Variants in ZNF112 observed in about 807,000 individuals in gnomAD.
The protein encoded by ZNF112 is zinc finger protein 112.
A neutral mutation model predicts 77.7 loss-of-function variants in ZNF112; 37 were observed. The observed-to-expected ratio is 0.48, with a 90% CI of 0.37 to 0.63. The LOEUF is 0.63. Ranked by LOEUF, ZNF112 falls within the 20% of genes least tolerant of loss-of-function variation. The pLI is 0.00. For synonymous variants in ZNF112, 333 were observed against 363.6 expected (o/e 0.92, Z 0.96); for missense variants, 950 against 1,077.4 (o/e 0.88, Z 1.66).
intron 1 of ZNF112, among the ~76,000 whole-genome samples, chr19:44,345,287 C>T (rs180691968): frequency 2.6e-5 from 4 of 152,310 alleles, no homozygotes; most frequent in Non-Finnish European, 5.9e-5. Flanking sequence ...GGCCATTTGG[C>T]CTCTCAAGAA....
At chr19:44,364,675 C>G (rs1374153819) in intron 1 of ZNF112, among the ~76,000 whole-genome samples, 1 of 151,964 alleles carries the variant, frequency 6.6e-6, no homozygotes, top group Non-Finnish European at 1.5e-5. Flanking sequence ...AAAAATAACA[C>G]AAATAAAAAA....
upstream of ZNF112, among the ~76,000 whole-genome samples, chr19:44,357,817 T>C (rs1970809719): frequency 6.6e-6 from 1 of 152,114 alleles, no homozygotes; most frequent in African/African-American, 2.4e-5. Flanking sequence ...TAGCAAATAT[T>C]GTAAGTTGTC....
Position 44,329,851 on chromosome 19 carries a change from G to C in ZNF112, c.306C>G (p.Thr102=), listed in dbSNP as rs1970237200. The change falls in exon 4 of 4, where the codon ACC becomes ACG. Residue 102 remains threonine, a synonymous_variant. Transcript: ENST00000354340. ...TTAACCCACCTGCACTTTGTTGCCA[G>C]GTCTGACGGGAGGAAAGCTCTTTGG... ...FSPKELSSRQ[T]WQQSAGGLIR... 6.2e-7 allele frequency: 1 copy of C among 1,613,856 alleles called. No homozygotes were observed. Among genetic ancestry groups the C allele is most frequent in the African/African-American group, 1.3e-5 (1 of 74,908 alleles).
chr19:44,360,928 C>A (rs557089347), upstream of ZNF112, among the ~76,000 whole-genome samples: 16 of 152,262 alleles, frequency 1.1e-4, no homozygotes, highest in East Asian at 2.7e-3. Flanking sequence ...TCATTCATCA[C>A]AATGACATGC....
Position 44,328,113 on chromosome 19 carries a change from T to G in ZNF112, c.2044A>C (p.Thr682Pro), listed in dbSNP as rs1166614963. Reference sequence around the variant, plus strand: ...TCACATTGGTATGGCTTCTCTCCCGTGTGGACCCTCTGATGGGCCAAAAGT... The same window carrying G: ...TCACATTGGTATGGCTTCTCTCCCGGGTGGACCCTCTGATGGGCCAAAAGT... ...STLLAHQRVH[T>P]GEKPYQCDEC... The change falls in exon 4 of 4, where the codon ACG (threonine) becomes CCG (proline). Residue 682 changes from threonine to proline, a missense_variant. Thr to Pro is a conservative substitution (Grantham distance 38, BLOSUM62 -1). This residue lies in a region of ZNF112 where 373 missense variants were observed against 482.8 expected (regional missense o/e 0.77). Coordinates refer to ENST00000354340, the MANE Select transcript of ZNF112 (RefSeq NM_013380.4). The G allele has an allele frequency of 1.9e-6, 3 of 1,613,928 alleles. No individual in the cohort carries two copies. The highest frequency in any genetic ancestry group is 3.3e-5 in the Admixed American group (2 of 59,952).
intron 1 of ZNF112, among the ~76,000 whole-genome samples, chr19:44,352,368 C>T (rs1970709024): frequency 6.6e-6 from 1 of 152,060 alleles, no homozygotes; most frequent in Non-Finnish European, 1.5e-5. Flanking sequence ...AATACAACAT[C>T]CACTCATGAC....
chr19:44,330,461 C>G (rs1599911756), intron 3 of ZNF112, among the ~76,000 whole-genome samples: 1 of 152,172 alleles, frequency 6.6e-6, no homozygotes, highest in African/African-American at 2.4e-5. Flanking sequence ...CATGGCTGGG[C>G]ATGGTGGCTC....
At chr19:44,344,232 CCT>C (rs1347960978) in intron 1 of ZNF112, among the ~76,000 whole-genome samples, 1 of 152,138 alleles carries the variant, frequency 6.6e-6, no homozygotes, top group Non-Finnish European at 1.5e-5. Flanking sequence ...TGCGTGTGCT[CCT>C]CTGTGAAAAG....
chr19:44,340,285 C>T (rs367840788), intron 2 of ZNF112, 131 bp downstream of exon 2: 71 of 1,243,620 alleles, frequency 5.7e-5, no homozygotes, highest in Middle Eastern at 5.8e-4. Flanking sequence ...CTGTGTTGCA[C>T]GGGGATTATT....
At chr19:44,357,631 C>T (rs1970806755), upstream of ZNF112, among the ~76,000 whole-genome samples, 2 of 152,154 alleles carry the variant, frequency 1.3e-5, no homozygotes, top group Admixed American at 6.5e-5. Context: ...ATGGTTCCCA[C>T]GTTTCCTCTG....
chr19:44,352,682 G>A (rs112633655), intron 1 of ZNF112, among the ~76,000 whole-genome samples: 1 of 151,932 alleles, frequency 6.6e-6, no homozygotes, highest in Non-Finnish European at 1.5e-5. Flanking sequence ...AAAATCAGGT[G>A]TATTTCTATA....
chr19:44,337,298 A>AAT (rs1053671557), intron 2 of ZNF112, among the ~76,000 whole-genome samples: 5 of 122,870 alleles, frequency 4.1e-5, no homozygotes, highest in East Asian at 4.4e-4. Context: ...ATATGTATAA[A>AAT]ATATATATAT....
chr19:44,330,020 T>C (rs1030240149), intron 3 of ZNF112, 84 bp from the exon 4 acceptor site: 16 of 1,070,572 alleles, frequency 1.5e-5, no homozygotes, highest in Non-Finnish European at 2.1e-5. Context: ...GGTCATAACA[T>C]GAAACTTGAA....
rs570466353 is a variant in ZNF112, at chr19:44,362,637, G to A, written c.17+4444C>T. On this transcript the variant is annotated intron_variant, in intron 1 of 4. Transcript: ENST00000588057. ...AACACAGATAAAGCGTCCACAGACC[G>A]TCTTCCTAGTTTATTTACATAGAAA... Among the ~76,000 whole-genome samples, 12 of 151,984 alleles carry A rather than the reference G, an allele frequency of 7.9e-5. No homozygotes were observed. In the South Asian group the frequency reaches 1.2e-3, roughly 16 times the overall value.
chr19:44,336,490 A>T, intron 3 of ZNF112, 133 bp downstream of exon 3: 1 of 699,102 alleles, frequency 1.4e-6, no homozygotes, highest in South Asian at 1.9e-5. Flanking sequence ...CTAATAGACC[A>T]CTTTAAGTAC....
intron 3 of ZNF112, 56 bp from the exon 4 acceptor site, chr19:44,329,992 T>C: frequency 2.9e-6 from 4 of 1,393,008 alleles, no homozygotes; most frequent in South Asian, 2.8e-5. Context: ...TTCAAGAGAT[T>C]TGAAGATTTT....
chr19:44,339,889 C>A (rs984507509), intron 2 of ZNF112, among the ~76,000 whole-genome samples: 4 of 151,832 alleles, frequency 2.6e-5, no homozygotes, highest in Admixed American at 6.6e-5. Context: ...ACCCTCAAGT[C>A]GTTCAGAAAA....
upstream of ZNF112, among the ~76,000 whole-genome samples, chr19:44,358,701 A>C (rs1970823892): frequency 1.3e-5 from 2 of 152,226 alleles, no homozygotes; most frequent in Admixed American, 1.3e-4. Context: ...TGAAATACTA[A>C]ATATGCTTTT....
chr19:44,362,109 G>A (rs552782191), intron 1 of ZNF112, among the ~76,000 whole-genome samples: 15 of 152,058 alleles, frequency 9.9e-5, no homozygotes, highest in Non-Finnish European at 1.9e-4. Context: ...AAGCTAATGA[G>A]AAAAAATGAG....
Sources: allele counts gnomAD v4.1 joint callset (sites outside exome capture counted in the v4.1 genomes callset), GRCh38; gene constraint gnomAD v4.1.1; regional missense constraint gnomAD v4.1.1; transcripts MANE v1.5; gene names NCBI Gene and HGNC (gene_info 2026-07-23, HGNC 2026-07-21).